ITPRID1: variants seen among roughly 807,000 people sequenced by gnomAD.
The protein encoded by ITPRID1 is ITPR interacting domain containing 1, also known as protein ITPRID1.
A neutral mutation model predicts 95.4 loss-of-function variants in ITPRID1; 96 were observed. The observed-to-expected ratio is 1.01, with a 90% CI of 0.85 to 1.19. ITPRID1 has a LOEUF of 1.19. ITPRID1 is among the 50% of genes most tolerant of loss of function. The pLI, the probability that ITPRID1 is intolerant of heterozygous loss-of-function variation, is 0.00. For synonymous variants in ITPRID1, 510 were observed against 453.6 expected (o/e 1.12, Z -1.58); for missense variants, 1,339 against 1,252.9 (o/e 1.07, Z -1.04).
intron 7 of ITPRID1, 24 bp downstream of exon 7, chr7:31,572,212 C>T (rs900042923): frequency 6.9e-7 from 1 of 1,452,622 alleles, no homozygotes; most frequent in Non-Finnish European, 9.6e-7. Context: ...AGGTGCTTTT[C>T]ATCCTGAGAA....
intron 5 of ITPRID1, among the ~76,000 whole-genome samples, chr7:31,557,169 C>T (rs1784475536): frequency 6.6e-6 from 1 of 152,090 alleles, no homozygotes; most frequent in Non-Finnish European, 1.5e-5. Flanking sequence ...TTCCAAATAA[C>T]AGCACATTCT....
chr7:31,538,571 T>C (rs536657341), intron 1 of ITPRID1, among the ~76,000 whole-genome samples: 5 of 152,310 alleles, frequency 3.3e-5, no homozygotes, highest in African/African-American at 7.2e-5. Context: ...TTCTTTGTCT[T>C]TCATGACATT....
intron 8 of ITPRID1, among the ~76,000 whole-genome samples, chr7:31,575,131 G>C (rs753092854): frequency 6.6e-6 from 1 of 152,166 alleles, no homozygotes; most frequent in African/African-American, 2.4e-5. Flanking sequence ...CTAACTCCAA[G>C]TGGGTGGGAA....
intron 10 of ITPRID1, among the ~76,000 whole-genome samples, chr7:31,623,822 A>G (rs1320655289): frequency 4.6e-5 from 7 of 152,186 alleles, no homozygotes; most frequent in Non-Finnish European, 1.0e-4. Context: ...GAAAAGAGCA[A>G]GTCAAATTGT....
chr7:31,651,237 CCT>C lies in ITPRID1; in HGVS notation c.2682_2683del (p.Ser896GlnfsTer19). The C allele has an allele frequency of 3.1e-6, 5 of 1,613,446 alleles. No homozygotes were observed. The highest frequency in any genetic ancestry group is 4.2e-6 in the Non-Finnish European group (5 of 1,179,578). On this transcript the variant is annotated frameshift_variant, in exon 13 of 15. Coordinates refer to ENST00000615280, the MANE Select transcript of ITPRID1 (RefSeq NM_001257967.3). LOFTEE classifies it high-confidence loss of function. The stretch of plus-strand genomic sequence containing the variant: ...AACAGCACCTTATGGGACAGCAGGC[CCT>C]CTTTTCCAGGGACATGTCAGAGGAG... ...IEQHLMGQQA[L>X]FSRDMSEEER...
At chr7:31,567,622 C>G (rs1351209730) in intron 5 of ITPRID1, among the ~76,000 whole-genome samples, 1 of 151,468 alleles carries the variant, frequency 6.6e-6, no homozygotes, top group Non-Finnish European at 1.5e-5. Context: ...TGCTCTGTCA[C>G]CCAGGCTTGA....
intron 6 of ITPRID1, among the ~76,000 whole-genome samples, chr7:31,571,624 G>A (rs1176844699): frequency 6.6e-6 from 1 of 152,202 alleles, no homozygotes; most frequent in Non-Finnish European, 1.5e-5. Context: ...TGTTAGAAAT[G>A]CATATGGATG....
chr7:31,578,540 A>G, intron 9 of ITPRID1, 106 bp downstream of exon 9: 1 of 787,940 alleles, frequency 1.3e-6, no homozygotes, highest in Non-Finnish European at 2.0e-6. Flanking sequence ...ATCCCTCAGC[A>G]TTACTTCTTA....
intron 1 of ITPRID1, chr7:31,518,438 G>A (rs994101334): frequency 1.6e-4 from 24 of 152,424 alleles, no homozygotes; most frequent in African/African-American, 4.6e-4. Flanking sequence ...AGGTGAACTC[G>A]ATGTTTCAAG....
chr7:31,538,974 G>C lies in ITPRID1; in HGVS notation c.-97-10452G>C, dbSNP rs115156191. On this transcript the variant is annotated intron_variant, in intron 1 of 14. Coordinates refer to ENST00000615280, the MANE Select transcript of ITPRID1 (RefSeq NM_001257967.3). ...ATGATGCAGTTAAGTTGATAATTCT[G>C]TAACTCCGTCATTCTTTTTACCATT... Among the ~76,000 whole-genome samples, 354 of 152,182 alleles carry C rather than the reference G, an allele frequency of 2.3e-3. 1 individual carries two copies. The highest frequency in any genetic ancestry group is 7.9e-3 in the African/African-American group (328 of 41,524).
intron 10 of ITPRID1, among the ~76,000 whole-genome samples, chr7:31,613,965 C>CAACT (rs1554292527): frequency 3.9e-5 from 6 of 152,188 alleles, no homozygotes; most frequent in Non-Finnish European, 8.8e-5. Context: ...GTACCTTAAG[C>CAACT]AGTTAGGATT....
chr7:31,573,392 C>G (rs1466939407), intron 7 of ITPRID1, among the ~76,000 whole-genome samples: 1 of 149,356 alleles, frequency 6.7e-6, no homozygotes, highest in Non-Finnish European at 1.5e-5. Flanking sequence ...AAAAGAGACA[C>G]AAAATAATTA....
At position 31,552,052 on chromosome 7, in the gene ITPRID1, T is replaced by C. The variant is rs536467021; in HGVS notation, c.-23-950T>C. On this transcript the variant is annotated intron_variant, in intron 2 of 14. Transcript: ENST00000615280. ...CATAAATGAGTAAGAGAATGGCCCT[T>C]GTTCTCATGGTGCTTATAGTCTGCG... is the stretch of plus-strand genomic sequence containing the variant. 237 of 334,822 alleles carry C rather than the reference T, an allele frequency of 7.1e-4. 38 individuals carry two copies. The highest frequency in any genetic ancestry group is 5.3e-3 in the South Asian group (230 of 43,272). 20.7% of individuals were successfully genotyped at this position (334,822 alleles called of 1,614,324 possible).
downstream of ITPRID1, chr7:31,658,299 C>T (rs201037213): frequency 8.6e-6 from 12 of 1,388,542 alleles, no homozygotes; most frequent in South Asian, 2.8e-5. Flanking sequence ...AGCTGGATCC[C>T]TTTTTTTTTT....
chr7:31,602,478 C>A (rs1786435919), intron 10 of ITPRID1, among the ~76,000 whole-genome samples: 1 of 152,158 alleles, frequency 6.6e-6, no homozygotes, highest in Non-Finnish European at 1.5e-5. Context: ...TGGCAGCTAA[C>A]TCCATTGTTC....
chr7:31,645,235 G>C (rs960137176), intron 12 of ITPRID1, among the ~76,000 whole-genome samples: 1 of 152,158 alleles, frequency 6.6e-6, no homozygotes, highest in African/African-American at 2.4e-5. Context: ...ATTAACATTA[G>C]AAAGTGATTA....
chr7:31,589,428 A>T (rs1458274746), intron 10 of ITPRID1, among the ~76,000 whole-genome samples: 2 of 152,172 alleles, frequency 1.3e-5, no homozygotes, highest in African/African-American at 4.8e-5. Flanking sequence ...TTGGAGAAAT[A>T]ATGGTGGGAA....
At chr7:31,571,886 T>C (rs1244094434) in intron 6 of ITPRID1, among the ~76,000 whole-genome samples, 1 of 152,200 alleles carries the variant, frequency 6.6e-6, no homozygotes, top group Non-Finnish European at 1.5e-5. Flanking sequence ...GGGCACCTAA[T>C]GCTTAAATTC....
rs61620751 is a variant in ITPRID1, at chr7:31,520,564, TGAGAGA to T, written c.-98+6456_-98+6461del. 9.8e-3 allele frequency among the ~76,000 whole-genome samples: 536 copies of T among 54,926 alleles called. 6 individuals carry two copies. The highest frequency in any genetic ancestry group is 0.048 in the African/African-American group (493 of 10,350). The allele number at this position is 54,926 out of a possible 152,430, so 36.0% of individuals were successfully genotyped here. ...GTGTGTGTGTGTGTGTGTGTGTGTGTGAGAGAGAGAGAGAGAGTTTGGCACTTTTCT... is the reference window on the plus strand; with the variant it reads ...GTGTGTGTGTGTGTGTGTGTGTGTGTGAGAGAGAGAGTTTGGCACTTTTCT... On this transcript the variant is annotated intron_variant, in intron 1 of 14. Coordinates refer to ENST00000615280, the MANE Select transcript of ITPRID1 (RefSeq NM_001257967.3).
Sources: allele counts gnomAD v4.1 joint callset (sites outside exome capture counted in the v4.1 genomes callset), GRCh38; gene constraint gnomAD v4.1.1; transcripts MANE v1.5; gene names NCBI Gene and HGNC (gene_info 2026-07-23, HGNC 2026-07-21).